TENM2: variants seen among roughly 807,000 people sequenced by gnomAD.
The protein encoded by TENM2 is teneurin-2.
A neutral mutation model predicts 245.2 loss-of-function variants in TENM2; 52 were observed. The ratio of observed to expected loss-of-function variants is 0.21; its 90% CI spans 0.17 to 0.27. TENM2 has a LOEUF of 0.27. Ranked by LOEUF, TENM2 falls within the 10% of genes least tolerant of loss-of-function variation. The pLI, the probability that TENM2 is intolerant of heterozygous loss-of-function variation, is 1.00. For synonymous variants in TENM2, 1,363 were observed against 1,438.9 expected, an observed-to-expected ratio of 0.95 and a Z score of 1.19; for missense variants, 3,046 against 3,666.8, an observed-to-expected ratio of 0.83 and a Z score of 4.37.
chr5:167,929,063 A>AAGAAAGAAAGAAAGAAAGAG (rs1205292789), intron 3 of TENM2, among the ~76,000 whole-genome samples: 4 of 19,322 alleles, frequency 2.1e-4, no homozygotes, highest in Admixed American at 6.0e-4. Context: ...GAAAGAGAGA[A>AAGAAAGAAAGAAAGAAAGAG]AGAAAGAAAG....
chr5:167,585,094 C>G (rs1775392559), intron 2 of TENM2, among the ~76,000 whole-genome samples: 2 of 152,126 alleles, frequency 1.3e-5, no homozygotes, highest in African/African-American at 4.8e-5. Context: ...AATCATTAAC[C>G]TCTGTGTTTG....
chr5:167,755,052 C>A, intron 2 of TENM2: 1 of 1,596,654 alleles, frequency 6.3e-7, no homozygotes, highest in Non-Finnish European at 8.5e-7. Context: ...CAGCTTACGC[C>A]GATGGTGAGC....
Position 167,929,059 on chromosome 5 carries a change from G to GAGAAAGAA in TENM2, c.713-23463_713-23456dup, listed in dbSNP as rs202034282. 1.7e-3 allele frequency among the ~76,000 whole-genome samples: 132 copies of GAGAAAGAA among 77,500 alleles called. 3 individuals are homozygous for GAGAAAGAA. Among genetic ancestry groups the GAGAAAGAA allele is most frequent in the Middle Eastern group, 6.8e-3 (1 of 148 alleles). 50.8% of individuals were successfully genotyped at this position (77,500 alleles called of 152,430 possible). A position where few individuals can be genotyped will look rare whatever the true frequency, so the allele number is the denominator to read the frequency against. On this transcript the variant is annotated intron_variant, in intron 3 of 28. Transcript: ENST00000518659. ...AAAGAAAAGAAAAAAGAAAGAAAGA[G>GAGAAAGAA]AGAAAGAAAGAAAGAAAGAAAGAAA...
intron 2 of TENM2, among the ~76,000 whole-genome samples, chr5:167,785,307 G>C (rs758553206): frequency 2.0e-5 from 3 of 152,118 alleles, no homozygotes; most frequent in Non-Finnish European, 4.4e-5. Flanking sequence ...ATGAATCAAT[G>C]ATCTATTAAT....
At chr5:167,682,917 T>G (rs1401945590) in intron 2 of TENM2, among the ~76,000 whole-genome samples, 2 of 152,202 alleles carry the variant, frequency 1.3e-5, no homozygotes, top group Non-Finnish European at 2.9e-5. Context: ...TTGTCCTTTG[T>G]TGTTTTATTG....
intron 2 of TENM2, among the ~76,000 whole-genome samples, chr5:167,644,242 A>C (rs1397614512): frequency 1.3e-5 from 2 of 152,250 alleles, no homozygotes; most frequent in African/African-American, 4.8e-5. Flanking sequence ...AACTAAGCAA[A>C]TTAAACAAAC....
chr5:167,305,198 A>G (rs1234008613), intron 1 of TENM2, among the ~76,000 whole-genome samples: 1 of 152,032 alleles, frequency 6.6e-6, no homozygotes, highest in African/African-American at 2.4e-5. Flanking sequence ...TGAATCTCCC[A>G]CTCACTCATG....
the TENM2 span, among the ~76,000 whole-genome samples, chr5:167,205,274 G>A: frequency 2.8e-4 from 42 of 152,224 alleles, no homozygotes; most frequent in Admixed American, 2.4e-3. Context: ...TCAGCTACTC[G>A]AGAGGCTGAG....
intron 2 of TENM2, among the ~76,000 whole-genome samples, chr5:167,790,019 A>T (rs1486009735): frequency 6.6e-6 from 1 of 152,248 alleles, no homozygotes; most frequent in Non-Finnish European, 1.5e-5. Context: ...ACATCAAGAC[A>T]GTTGAGTTTC....
At chr5:167,803,394 G>C (rs1481135090) in intron 2 of TENM2, among the ~76,000 whole-genome samples, 1 of 152,134 alleles carries the variant, frequency 6.6e-6, no homozygotes, top group African/African-American at 2.4e-5. Context: ...GGGCACCCTG[G>C]AGAACTGAGC....
At chr5:168,008,292 G>C (rs1784978988) in intron 5 of TENM2, among the ~76,000 whole-genome samples, 1 of 152,170 alleles carries the variant, frequency 6.6e-6, no homozygotes, top group South Asian at 2.1e-4. Context: ...TGAGGAGAGG[G>C]ACGCCTGCTA....
intron 2 of TENM2, among the ~76,000 whole-genome samples, chr5:167,518,050 T>C (rs1770506216): frequency 6.6e-6 from 1 of 151,732 alleles, no homozygotes; most frequent in Non-Finnish European, 1.5e-5. Flanking sequence ...AGTCGGATGT[T>C]ACGGCGCACA....
chr5:167,804,341 G>A (rs1218739823), intron 2 of TENM2, among the ~76,000 whole-genome samples: 1 of 152,078 alleles, frequency 6.6e-6, no homozygotes, highest in East Asian at 1.9e-4. Flanking sequence ...GTTTGCAAGA[G>A]CTGATCCTCT....
At chr5:167,034,993 T>C in the TENM2 span, among the ~76,000 whole-genome samples, 1 of 152,154 alleles carries the variant, frequency 6.6e-6, no homozygotes, top group African/African-American at 2.4e-5. Flanking sequence ...GTTTTTAAGA[T>C]AGGTTGAGGG....
chr5:167,554,967 A>AT (rs1209379369), intron 2 of TENM2, among the ~76,000 whole-genome samples: 1 of 151,804 alleles, frequency 6.6e-6, no homozygotes, highest in Non-Finnish European at 1.5e-5. Flanking sequence ...TTATAAATTA[A>AT]TTTTTTTTCA....
At chr5:167,758,942 C>A (rs1253884441) in intron 2 of TENM2, among the ~76,000 whole-genome samples, 1 of 151,866 alleles carries the variant, frequency 6.6e-6, no homozygotes, top group Admixed American at 6.6e-5. Context: ...ATTCTATTTG[C>A]TTTTCCACCA....
intron 9 of TENM2, among the ~76,000 whole-genome samples, chr5:168,102,261 C>T (rs568343832): frequency 8.5e-5 from 13 of 152,084 alleles, no homozygotes; most frequent in African/African-American, 1.7e-4. Context: ...TTAGTAAAGA[C>T]GGGGTTTCTC....
intron 2 of TENM2, among the ~76,000 whole-genome samples, chr5:167,469,026 A>G (rs150810375): frequency 3.3e-4 from 51 of 152,270 alleles, no homozygotes; most frequent in African/African-American, 1.2e-3. Flanking sequence ...TTGTTTTCCT[A>G]TATTTAAAAG....
At chr5:167,526,360 GCACACACACACA>G (rs72349867) in intron 2 of TENM2, among the ~76,000 whole-genome samples, 11 of 144,050 alleles carry the variant, frequency 7.6e-5, no homozygotes, top group African/African-American at 2.6e-4. Flanking sequence ...TTAAGAAATA[GCACACACACACA>G]CACACACACA....
Sources: gnomAD v4.1 joint callset for allele counts (sites outside exome capture counted in the v4.1 genomes callset) on GRCh38, gnomAD v4.1.1 for gene constraint, MANE v1.5 for transcripts, NCBI Gene and HGNC (gene_info 2026-07-23, HGNC 2026-07-21) for gene names.